MYH13: variants seen among roughly 807,000 people sequenced by gnomAD.
MYH13 encodes the protein myosin heavy chain 13.
Under a neutral mutation model 232.1 loss-of-function variants are expected in MYH13, and 177 were observed. That is an observed-to-expected ratio of 0.76 (90% confidence interval 0.67 to 0.86). MYH13 has a LOEUF of 0.86. Among genes scored for constraint, MYH13 ranks in the 40% least tolerant of loss-of-function variants. The pLI, the probability that MYH13 is intolerant of heterozygous loss-of-function variation, is 0.00. For synonymous variants in MYH13, 884 were observed against 923.5 expected (o/e 0.96, Z 0.78); for missense variants, 2,246 against 2,405.9 (o/e 0.93, Z 1.39).
At chr17:10,345,694 T>A in intron 13 of MYH13, 78 bp from the exon 14 acceptor site, 1 of 1,609,330 alleles carries the variant, frequency 6.2e-7, no homozygotes. Flanking sequence ...TGAAATTGAC[T>A]CGAAAATCAA....
intron 12 of MYH13, 90 bp downstream of exon 12, chr17:10,350,466 T>C (rs2071699836): frequency 6.6e-7 from 1 of 1,517,338 alleles, no homozygotes; most frequent in Non-Finnish European, 8.9e-7. Context: ...GAAGAACAGC[T>C]CTTGAAATGA....
intron 16 of MYH13, among the ~76,000 whole-genome samples, chr17:10,340,882 G>T (rs1203078662): frequency 1.3e-5 from 2 of 152,100 alleles, no homozygotes; most frequent in Non-Finnish European, 1.5e-5. Flanking sequence ...TGGGAATGGG[G>T]TGTGGATAGC....
intron 5 of MYH13, among the ~76,000 whole-genome samples, chr17:10,361,633 T>A (rs1013241514): frequency 6.6e-6 from 1 of 151,952 alleles, no homozygotes; most frequent in African/African-American, 2.4e-5. Context: ...TCAAGTCAGG[T>A]GAAGGTTGAA....
chr17:10,362,214 G>A lies in MYH13; in HGVS notation c.409C>T (p.Pro137Ser). Reference sequence around the variant, plus strand: ...CCTCTGTAGGCAGCCACCACCTCGGGCTTGTACACCGGCAGCCACTTGTAG... The same window carrying A: ...CCTCTGTAGGCAGCCACCACCTCGGACTTGTACACCGGCAGCCACTTGTAG... The part of the protein sequence containing the change: ...NPYKWLPVYK[P>S]EVVAAYRGKK... Residue 137 changes from proline to serine, a missense_variant, in exon 5 of 41, where the codon CCC (proline) becomes TCC (serine). Physicochemically the swap from Pro to Ser is moderately conservative, Grantham distance 74. Transcript: ENST00000252172. 2.5e-6 allele frequency: 4 copies of A among 1,613,848 alleles called. No individual in the cohort carries two copies. Among genetic ancestry groups the A allele is most frequent in the Non-Finnish European group, 3.4e-6 (4 of 1,179,788 alleles).
intron 8 of MYH13, 43 bp downstream of exon 8, chr17:10,357,692 G>C (rs1391730652): frequency 9.0e-6 from 14 of 1,558,316 alleles, no homozygotes; most frequent in Non-Finnish European, 1.2e-5. Context: ...TCAGGAGAGG[G>C]TATGCTTTTG....
At chr17:10,341,720 G>T (rs1454629965) in intron 16 of MYH13, among the ~76,000 whole-genome samples, 1 of 152,156 alleles carries the variant, frequency 6.6e-6, no homozygotes, top group Non-Finnish European at 1.5e-5. Flanking sequence ...TCCACACAGG[G>T]TCTTATGTTA....
chr17:10,340,327 C>A lies in MYH13; in HGVS notation c.1968+1G>T. Reference sequence around the variant, plus strand: ...AATATGGAAGCTGCCAAAACACCAACCCTGAACACGGCCGACACGGTCTGG... The same window carrying A: ...AATATGGAAGCTGCCAAAACACCAAACCTGAACACGGCCGACACGGTCTGG... On this transcript the variant is annotated splice_donor_variant, in intron 17 of 40. Coordinates refer to ENST00000252172, the MANE Select transcript of MYH13 (RefSeq NM_003802.3). LOFTEE classifies it high-confidence loss of function. 6.2e-7 allele frequency: 1 copy of A among 1,613,918 alleles called. No homozygotes were observed. The highest frequency in any genetic ancestry group is 1.1e-5 in the South Asian group (1 of 91,062).
At chr17:10,317,638 A>C (rs1414610197) in intron 27 of MYH13, 1 of 152,312 alleles carries the variant, frequency 6.6e-6, no homozygotes, top group Non-Finnish European at 1.5e-5. Flanking sequence ...TAAATCGAGG[A>C]GCACACATGC....
At chr17:10,309,909 A>G in intron 33 of MYH13, 79 bp from the exon 34 acceptor site, 2 of 1,207,684 alleles carry the variant, frequency 1.7e-6, no homozygotes, top group Non-Finnish European at 2.2e-6. Context: ...CCATACGATC[A>G]AATGGGTATG....
At chr17:10,358,480 C>T (rs1182949859) in intron 7 of MYH13, among the ~76,000 whole-genome samples, 4 of 152,058 alleles carry the variant, frequency 2.6e-5, no homozygotes, top group Non-Finnish European at 5.9e-5. Flanking sequence ...ATGAGAAATG[C>T]CAGGTATGGT....
intron 22 of MYH13, among the ~76,000 whole-genome samples, chr17:10,325,869 G>A (rs538963593): frequency 6.6e-6 from 1 of 152,090 alleles, no homozygotes. Flanking sequence ...AAGAGAGGGG[G>A]TTTCACCATG....
intron 2 of MYH13, among the ~76,000 whole-genome samples, chr17:10,366,562 G>C (rs1352858081): frequency 1.3e-5 from 2 of 151,916 alleles, no homozygotes; most frequent in African/African-American, 4.8e-5. Context: ...TGTATTCTTA[G>C]TAGAGATGGG....
Position 10,319,133 on chromosome 17 carries a change from A to G in MYH13, c.3395T>C (p.Leu1132Pro), listed in dbSNP as rs761391784. 6.2e-7 allele frequency: 1 copy of G among 1,614,002 alleles called. No individual in the cohort carries two copies. Among genetic ancestry groups the G allele is most frequent in the Admixed American group, 1.7e-5 (1 of 60,000 alleles). The change falls in exon 27 of 41, where the codon CTC becomes CCC. Residue 1132 changes from leucine to proline, a missense_variant. Leu to Pro is a moderately conservative substitution (Grantham distance 98, BLOSUM62 -3). Transcript: ENST00000252172. ...LEEEIEAEHT[L>P]RAKIEKQRSD... Reference sequence around the variant, plus strand: ...GCGCTGCTTCTCAATCTTGGCTCTGAGCGTGTGTTCCGCTTCAATTTCCTC... The same window carrying G: ...GCGCTGCTTCTCAATCTTGGCTCTGGGCGTGTGTTCCGCTTCAATTTCCTC...
chr17:10,332,824 A>G (rs1417393219), intron 19 of MYH13, among the ~76,000 whole-genome samples: 1 of 152,214 alleles, frequency 6.6e-6, no homozygotes, highest in Non-Finnish European at 1.5e-5. Flanking sequence ...CTGAGTGTCC[A>G]TAGTACAGAA....
chr17:10,319,289 A>G, intron 26 of MYH13, 110 bp from the exon 27 acceptor site: 6 of 1,317,800 alleles, frequency 4.6e-6, no homozygotes, highest in Non-Finnish European at 3.0e-6. Context: ...TGGGTGGGTC[A>G]TTTGAGGTCA....
At chr17:10,309,202 G>T in intron 35 of MYH13, 32 bp downstream of exon 35, 1 of 1,603,142 alleles carries the variant, frequency 6.2e-7, no homozygotes, top group Middle Eastern at 1.9e-4. Flanking sequence ...CCCCAGGGTG[G>T]ACCTTCAGCG....
At chr17:10,318,642 T>G in intron 27 of MYH13, 148 bp downstream of exon 27, 1 of 1,057,014 alleles carries the variant, frequency 9.5e-7, no homozygotes, top group East Asian at 2.5e-5. Flanking sequence ...CGTGAGTAAA[T>G]TTGAGGAACT....
intron 12 of MYH13, 27 bp from the exon 13 acceptor site, chr17:10,346,825 A>C: frequency 6.4e-7 from 1 of 1,560,318 alleles, no homozygotes. Context: ...AAATGGCATC[A>C]TGCAAAAACA....
intron 5 of MYH13, among the ~76,000 whole-genome samples, chr17:10,361,440 C>T (rs1341551882): frequency 1.3e-5 from 2 of 151,840 alleles, no homozygotes; most frequent in Non-Finnish European, 2.9e-5. Flanking sequence ...TACAGGCACC[C>T]ACTACCATGA....
Sources: gnomAD v4.1 joint callset for allele counts (sites outside exome capture counted in the v4.1 genomes callset) on GRCh38, gnomAD v4.1.1 for gene constraint, MANE v1.5 for transcripts, NCBI Gene and HGNC (gene_info 2026-07-23, HGNC 2026-07-21) for gene names.